NOS1: variants seen among roughly 807,000 people sequenced by gnomAD.
NOS1 encodes NOS type I.
Under a neutral mutation model 164.5 loss-of-function variants are expected in NOS1, and 51 were observed. The observed-to-expected ratio is 0.31, with a 90% CI of 0.25 to 0.39. The LOEUF is 0.39. NOS1 is among the 10% of genes least tolerant of loss of function. NOS1 has a pLI of 1.00. For missense variants in NOS1, 1,362 were observed against 1,885.6 expected, an observed-to-expected ratio of 0.72 and a Z score of 5.14; for synonymous variants, 719 against 745.8, an observed-to-expected ratio of 0.96 and a Z score of 0.59.
intron 9 of NOS1, among the ~76,000 whole-genome samples, chr12:117,277,466 C>T (rs1441368529): frequency 1.3e-5 from 2 of 151,280 alleles, no homozygotes; most frequent in African/African-American, 2.4e-5. Context: ...GTGGCTGTAA[C>T]CCTATAATCC....
chr12:117,234,757 G>T lies in NOS1; in HGVS notation c.3043C>A (p.Arg1015=), dbSNP rs565699307. Reference sequence around the variant, plus strand: ...TGGAGACGCACGAAGATAGTTGACCGACTGCAGGAAATTGCAGAGGAATCA... The same window carrying T: ...TGGAGACGCACGAAGATAGTTGACCTACTGCAGGAAATTGCAGAGGAATCA... The part of the protein sequence containing the change: ...RQNLQSPKSS[R]STIFVRLHTN... Residue 1015 remains arginine (R), a splice_region_variant and synonymous_variant, in exon 21 of 29, where the codon CGG becomes AGG. Coordinates refer to ENST00000317775, the MANE Select transcript of NOS1 (RefSeq NM_000620.5). The surrounding 1 kb of genome is among the most constrained non-coding windows in gnomAD (Gnocchi z 4.3). The T allele has an allele frequency of 1.2e-6, 2 of 1,606,350 alleles. No homozygotes were observed. Among genetic ancestry groups the T allele is most frequent in the South Asian group, 2.2e-5 (2 of 90,616 alleles).
At chr12:117,298,190 G>A (rs1873555794) in intron 3 of NOS1, among the ~76,000 whole-genome samples, 1 of 151,784 alleles carries the variant, frequency 6.6e-6, no homozygotes, top group Admixed American at 6.6e-5. Context: ...TGGGGGAGAT[G>A]GGAGACAGTG....
At chr12:117,258,549 G>A (rs968701906) in intron 15 of NOS1, 94 bp from the exon 16 acceptor site, 4 of 1,263,270 alleles carry the variant, frequency 3.2e-6, no homozygotes, top group African/African-American at 2.9e-5. Flanking sequence ...CTGTCAAAGA[G>A]GAGACTGATG....
intron 3 of NOS1, among the ~76,000 whole-genome samples, chr12:117,295,615 C>CTTTTTTTTTTT (rs33913257): frequency 1.9e-5 from 2 of 105,114 alleles, no homozygotes; most frequent in Non-Finnish European, 1.8e-5. Context: ...CCTGATCATT[C>CTTTTTTTTTTT]TTTTTTTTTT....
chr12:117,226,715 C>G lies in NOS1; in HGVS notation c.3672G>C (p.Gln1224His), dbSNP rs919755665. ...GVCSSWLNRI[Q>H]ADELVPCFVR... Reference sequence around the variant, plus strand: ...CGAAACAGGGGACCAGTTCGTCAGCCTGTATCCGGTTGAGCCAGGAGGAGC... The same window carrying G: ...CGAAACAGGGGACCAGTTCGTCAGCGTGTATCCGGTTGAGCCAGGAGGAGC... The change falls in exon 24 of 29, where the codon CAG becomes CAC. Residue 1224 changes from glutamine to histidine, a missense_variant. This residue lies in a region of NOS1 where 737 missense variants were observed against 1,030.3 expected (regional missense o/e 0.72). Transcript: ENST00000317775. The G allele has an allele frequency of 5.6e-6, 9 of 1,613,962 alleles. No homozygotes were observed. The highest frequency in any genetic ancestry group is 7.6e-6 in the Non-Finnish European group (9 of 1,179,982).
chr12:117,223,467 G>A (rs1868381605), intron 25 of NOS1, among the ~76,000 whole-genome samples: 1 of 151,934 alleles, frequency 6.6e-6, no homozygotes, highest in South Asian at 2.1e-4. Context: ...TCACTGTGTT[G>A]GCCAGGCTGG....
At chr12:117,279,211 TACTA>T (rs1380073327) in intron 8 of NOS1, among the ~76,000 whole-genome samples, 1 of 151,868 alleles carries the variant, frequency 6.6e-6, no homozygotes, top group Non-Finnish European at 1.5e-5. Flanking sequence ...ACCCTATCTC[TACTA>T]AAATACAAAA....
At chr12:117,265,992 G>A (rs1310837521) in intron 11 of NOS1, among the ~76,000 whole-genome samples, 7 of 151,612 alleles carry the variant, frequency 4.6e-5, no homozygotes, top group African/African-American at 1.7e-4. Flanking sequence ...GTAGAGACGG[G>A]GTTTCACCGT....
chr12:117,265,036 G>C lies in NOS1; in HGVS notation c.2136+280C>G, dbSNP rs143706961. Among the ~76,000 whole-genome samples the C allele has an allele frequency of 1.5e-3, 229 of 152,042 alleles. 1 individual carries two copies. Among genetic ancestry groups the C allele is most frequent in the African/African-American group, 5.5e-3 (227 of 41,498 alleles). On this transcript the variant is annotated intron_variant, in intron 12 of 28. Coordinates refer to ENST00000317775, the MANE Select transcript of NOS1 (RefSeq NM_000620.5). ...AAAAAAAAAAAAAAATTTAGAGATG[G>C]GGTCTCACTATATTCCCCAGGGTGG...
chr12:117,337,307 G>T (rs1462515736), intron 1 of NOS1, among the ~76,000 whole-genome samples: 1 of 151,768 alleles, frequency 6.6e-6, no homozygotes, highest in African/African-American at 2.4e-5. Flanking sequence ...TAGTAGAGAT[G>T]GGGTTTCACC....
chr12:117,233,067 T>A (rs1869394225), intron 21 of NOS1, among the ~76,000 whole-genome samples: 1 of 132,756 alleles, frequency 7.5e-6, no homozygotes, highest in South Asian at 2.5e-4. Flanking sequence ...GAGATGGAGT[T>A]TCGCTTTTGC....
chr12:117,326,527 C>A (rs768392186), intron 2 of NOS1, among the ~76,000 whole-genome samples: 2 of 152,204 alleles, frequency 1.3e-5, no homozygotes, highest in African/African-American at 2.4e-5. Flanking sequence ...GTGGGTTTCA[C>A]AGAGCCCTGT....
Position 117,234,501 on chromosome 12 carries a change from C to T in NOS1, c.3235+64G>A. 6.5e-7 allele frequency: 1 copy of T among 1,528,684 alleles called. No individual in the cohort carries two copies. The highest frequency in any genetic ancestry group is 1.2e-5 in the South Asian group (1 of 81,220). 94.7% of individuals were successfully genotyped at this position (1,528,684 alleles called of 1,614,324 possible). A position where few individuals can be genotyped will look rare whatever the true frequency, so the allele number is the denominator to read the frequency against. ...GGTGATTGGGAAGAAAAGGTATCTT[C>T]TTCCCGAGACACCCACTGCCTCTGC... On this transcript the variant is annotated intron_variant, in intron 21 of 28. Transcript: ENST00000317775. This position sits in a 1 kb window ranked among gnomAD's most constrained non-coding sequence, Gnocchi z 4.3.
intron 16 of NOS1, among the ~76,000 whole-genome samples, chr12:117,257,333 T>C (rs537454434): frequency 6.6e-6 from 1 of 152,168 alleles, no homozygotes; most frequent in South Asian, 2.1e-4. Flanking sequence ...TCCTCCTGCC[T>C]CAGCCTCCCA....
At chr12:117,294,041 T>C (rs1873236253) in intron 3 of NOS1, among the ~76,000 whole-genome samples, 1 of 152,172 alleles carries the variant, frequency 6.6e-6, no homozygotes. Flanking sequence ...ATCCCTCTGA[T>C]TGTGCCCACA....
chr12:117,248,164 A>G (rs563408541), intron 17 of NOS1, among the ~76,000 whole-genome samples: 2 of 148,014 alleles, frequency 1.4e-5, no homozygotes, highest in Non-Finnish European at 3.0e-5. Context: ...TTCCAGTACC[A>G]TGAGAAAATA....
chr12:117,329,327 C>T (rs1875412114), intron 2 of NOS1, among the ~76,000 whole-genome samples: 1 of 152,060 alleles, frequency 6.6e-6, no homozygotes. Context: ...TACCTTAACC[C>T]AGGCCCCCAG....
chr12:117,344,268 C>T (rs1285712314), intron 1 of NOS1, among the ~76,000 whole-genome samples: 1 of 152,178 alleles, frequency 6.6e-6, no homozygotes, highest in African/African-American at 2.4e-5. Flanking sequence ...AATATGTTAG[C>T]ACCTAGTAAG....
chr12:117,287,718 C>A (rs924543915), intron 5 of NOS1, among the ~76,000 whole-genome samples: 2 of 152,200 alleles, frequency 1.3e-5, no homozygotes, highest in South Asian at 2.1e-4. Context: ...GGATTACAGG[C>A]GTGAGCCACT....
Sources: allele counts gnomAD v4.1 joint callset (sites outside exome capture counted in the v4.1 genomes callset), GRCh38; gene constraint gnomAD v4.1.1; regional missense constraint gnomAD v4.1.1; non-coding constraint Gnocchi (gnomAD v3.1); transcripts MANE v1.5; gene names NCBI Gene and HGNC (gene_info 2026-07-23, HGNC 2026-07-21).